Variants in RALGDS observed in about 807,000 individuals in gnomAD.
The protein encoded by RALGDS is ral guanine nucleotide dissociation stimulator.
Under a neutral mutation model 99.8 loss-of-function variants are expected in RALGDS, and 44 were observed. The ratio of observed to expected loss-of-function variants is 0.44; its 90% CI spans 0.35 to 0.57. RALGDS has a LOEUF of 0.57. RALGDS is among the 20% of genes least tolerant of loss of function. The pLI, the probability that RALGDS is intolerant of heterozygous loss-of-function variation, is 0.01. For missense variants in RALGDS, 1,022 were observed against 1,203.1 expected, an observed-to-expected ratio of 0.85 and a Z score of 2.23; for synonymous variants, 529 against 505.0, an observed-to-expected ratio of 1.05 and a Z score of -0.64.
At chr9:133,135,142 A>AAGTC (rs1832405312), upstream of RALGDS, among the ~76,000 whole-genome samples, 1 of 152,152 alleles carries the variant, frequency 6.6e-6, no homozygotes, top group South Asian at 2.1e-4. Context: ...GGAAGGCTAC[A>AAGTC]CACCCCAGTG....
intron 1 of RALGDS, among the ~76,000 whole-genome samples, chr9:133,141,114 A>C (rs181323822): frequency 6.6e-6 from 1 of 152,252 alleles, no homozygotes; most frequent in Admixed American, 6.5e-5. Flanking sequence ...CACAGTGAGC[A>C]AATGACCAGG....
chr9:133,106,815 C>T (rs1025580034), intron 7 of RALGDS, 67 bp from the exon 8 acceptor site: 69 of 1,296,468 alleles, frequency 5.3e-5, no homozygotes, highest in Middle Eastern at 1.8e-4. Flanking sequence ...CCTCAGTCCC[C>T]CTTGGCCAAG....
chr9:133,132,000 C>A (rs1258057667), upstream of RALGDS, among the ~76,000 whole-genome samples: 1 of 152,172 alleles, frequency 6.6e-6, no homozygotes, highest in Non-Finnish European at 1.5e-5. Context: ...CGGTGCCAGG[C>A]ACATAACAGA....
intron 6 of RALGDS, 28 bp from the exon 7 acceptor site, chr9:133,107,328 T>A (rs1161932742): frequency 1.9e-6 from 3 of 1,579,468 alleles, no homozygotes; most frequent in African/African-American, 1.3e-5. Context: ...TGTCACCTGG[T>A]CCTGCCCCAG....
intron 11 of RALGDS, 29 bp from the exon 12 acceptor site, chr9:133,103,291 G>C (rs1295698105): frequency 6.2e-7 from 1 of 1,613,842 alleles, no homozygotes. Context: ...ATGGCCGTCA[G>C]AAAGTGACCC....
At position 133,107,812 on chromosome 9, in the gene RALGDS, T is replaced by TG. The variant is rs569893204; in HGVS notation, c.1197+175dup. ...AGGATAGGGGTGACCTCATCTCTACTGTCCAGAGGTAAACTGAGGACTTGG... is the reference window on the plus strand; with the variant it reads ...AGGATAGGGGTGACCTCATCTCTACTGGTCCAGAGGTAAACTGAGGACTTGG... On this transcript the variant is annotated intron_variant, in intron 6 of 17. Coordinates refer to ENST00000372050, the MANE Select transcript of RALGDS (RefSeq NM_006266.4). Among the ~76,000 whole-genome samples the TG allele has an allele frequency of 6.5e-3, 990 of 152,384 alleles. 13 individuals carry two copies. The highest frequency in any genetic ancestry group is 0.022 in the African/African-American group (934 of 41,598).
In RALGDS at chr9:133,098,505, G is replaced by A; in HGVS notation, c.*82C>T. Reference sequence around the variant, plus strand: ...CTGGGGTACCCTGGGCTGGCAGGTGGGAGGAAGGCGCCCAGCTGGCCTGGG... The same window carrying A: ...CTGGGGTACCCTGGGCTGGCAGGTGAGAGGAAGGCGCCCAGCTGGCCTGGG... On this transcript the variant is annotated 3_prime_UTR_variant, in exon 18 of 18. Transcript: ENST00000372050. 6.9e-7 allele frequency: 1 copy of A among 1,459,502 alleles called. No individual in the cohort carries two copies. The highest frequency in any genetic ancestry group is 1.2e-5 in the South Asian group (1 of 85,892). 90.4% of individuals were successfully genotyped at this position (1,459,502 alleles called of 1,614,324 possible). A position where few individuals can be genotyped will look rare whatever the true frequency, so the allele number is the denominator to read the frequency against.
chr9:133,098,548 TGCTTG>T lies in RALGDS; in HGVS notation c.*34_*38del. The T allele has an allele frequency of 6.2e-7, 1 of 1,610,966 alleles. No homozygotes were observed. The highest frequency in any genetic ancestry group is 8.5e-7 in the Non-Finnish European group (1 of 1,178,566). On this transcript the variant is annotated 3_prime_UTR_variant, in exon 18 of 18. Coordinates refer to ENST00000372050, the MANE Select transcript of RALGDS (RefSeq NM_006266.4). ...GGCCTGGGCCACTCTGGTCCATAAG[TGCTTG>T]GCTACCAGCCAGCCAGACCCTGGGA...
chr9:133,130,819 T>G lies in RALGDS; in HGVS notation c.132+133A>C, dbSNP rs1832313336. ...CAAGATCTCACAGGAAAAGTGTCTG[T>G]CCAGCTGCTCTGCAAAGCTTGCAGA... On this transcript the variant is annotated intron_variant, in intron 1 of 17. Transcript: ENST00000372062. The G allele has an allele frequency of 7.1e-6, 6 of 844,854 alleles. No homozygotes were observed. The South Asian group carries it at 1.0e-4, about 14-fold the overall frequency. The allele number at this position is 844,854 out of a possible 1,614,324, so 52.3% of individuals were successfully genotyped here. A position where few individuals can be genotyped will look rare whatever the true frequency, so the allele number is the denominator to read the frequency against.
intron 1 of RALGDS, among the ~76,000 whole-genome samples, chr9:133,148,792 C>A (rs1012201904): frequency 3.3e-5 from 5 of 152,228 alleles, no homozygotes; most frequent in Admixed American, 1.3e-4. Context: ...GTCCCTGCCC[C>A]TCTCCTGTCC....
chr9:133,143,859 C>T (rs1390810859), intron 1 of RALGDS, among the ~76,000 whole-genome samples: 1 of 148,818 alleles, frequency 6.7e-6, no homozygotes, highest in Non-Finnish European at 1.5e-5. Flanking sequence ...ACTCCTGGGC[C>T]AGCGGCCCGC....
upstream of RALGDS, among the ~76,000 whole-genome samples, chr9:133,132,892 C>T (rs1486277331): frequency 5.3e-5 from 8 of 152,146 alleles, 1 homozygote; most frequent in South Asian, 8.3e-4. Context: ...CCGCCTTGGC[C>T]TCCCAAAATG....
chr9:133,099,094 C>A, intron 17 of RALGDS: 1 of 347,426 alleles, frequency 2.9e-6, no homozygotes. Flanking sequence ...TCCAGGTCAC[C>A]TCCCAGAATC....
rs1034213992 is a variant in RALGDS, at chr9:133,144,369, C to G, written c.18+4594G>C. ...GCAAACCATGGTCCTCCTCGCCACC[C>G]CTGTCACCTCCTCCTCCGCCCCCCG... On this transcript the variant is annotated intron_variant, in intron 1 of 17. Transcript: ENST00000393160. The surrounding 1 kb of genome is among the most constrained non-coding windows in gnomAD (Gnocchi z 4.5). Among the ~76,000 whole-genome samples, 3 of 152,152 alleles carry G rather than the reference C, an allele frequency of 2.0e-5. No homozygotes were observed. The highest frequency in any genetic ancestry group is 4.4e-5 in the Non-Finnish European group (3 of 68,006).
intron 1 of RALGDS, among the ~76,000 whole-genome samples, chr9:133,139,313 GC>G (rs1328133372): frequency 1.3e-5 from 2 of 152,206 alleles, no homozygotes; most frequent in African/African-American, 4.8e-5. Context: ...AGGAGGCAGG[GC>G]TCCATGCAGG....
upstream of RALGDS, among the ~76,000 whole-genome samples, chr9:133,132,688 G>A (rs954189617): frequency 1.3e-5 from 2 of 151,902 alleles, no homozygotes; most frequent in Non-Finnish European, 2.9e-5. Context: ...CACCCAGGCT[G>A]GAGTGCAGTG....
At chr9:133,106,142 G>A in intron 8 of RALGDS, 126 bp from the exon 9 acceptor site, 1 of 735,406 alleles carries the variant, frequency 1.4e-6, no homozygotes, top group Non-Finnish European at 2.4e-6. Flanking sequence ...GGGTACCCCA[G>A]AGCACTAACG....
chr9:133,142,127 C>A (rs1019454003), intron 1 of RALGDS, among the ~76,000 whole-genome samples: 1 of 152,156 alleles, frequency 6.6e-6, no homozygotes, highest in Non-Finnish European at 1.5e-5. Context: ...TGGCTTGATG[C>A]CGGGTGGCTG....
intron 1 of RALGDS, among the ~76,000 whole-genome samples, chr9:133,147,957 T>G (rs1450174354): frequency 6.6e-6 from 1 of 152,046 alleles, no homozygotes; most frequent in Non-Finnish European, 1.5e-5. Flanking sequence ...CACTTCCAAA[T>G]AAGAACCCTG....
Sources: gnomAD v4.1 joint callset for allele counts (sites outside exome capture counted in the v4.1 genomes callset) on GRCh38, gnomAD v4.1.1 for gene constraint, Gnocchi (gnomAD v3.1) non-coding constraint, MANE v1.5 for transcripts, NCBI Gene and HGNC (gene_info 2026-07-23, HGNC 2026-07-21) for gene names.